Variants in CSMD1 observed in about 807,000 individuals in gnomAD.
The protein encoded by CSMD1 is CUB and Sushi multiple domains 1.
Under a neutral mutation model 417.5 loss-of-function variants are expected in CSMD1, and 213 were observed. The observed-to-expected ratio is 0.51, with a 90% CI of 0.46 to 0.57. The LOEUF (loss-of-function observed/expected upper bound fraction) is 0.57. CSMD1 is among the 20% of genes least tolerant of loss of function. The pLI is 0.00. For synonymous variants in CSMD1, 2,862 were observed against 1,736.8 expected, an observed-to-expected ratio of 1.65 and a Z score of -16.11; for missense variants, 6,923 against 4,529.7, an observed-to-expected ratio of 1.53 and a Z score of -15.17.
chr8:4,168,146 TACACACAC>T lies in CSMD1; in HGVS notation c.416-136055_416-136048del, dbSNP rs34184056. Among the ~76,000 whole-genome samples, 1,384 of 149,492 alleles carry T rather than the reference TACACACAC, an allele frequency of 9.3e-3. 15 individuals carry two copies. Among genetic ancestry groups the T allele is most frequent in the African/African-American group, 0.029 (1,154 of 40,432 alleles). On this transcript the variant is annotated intron_variant, in intron 3 of 69. Coordinates refer to ENST00000635120, the MANE Select transcript of CSMD1 (RefSeq NM_033225.6). ...TCTGTCTCAAAAATAAAAAAAAATA[TACACACAC>T]ACACACACACACACACACACACATA...
chr8:3,324,049 T>C (rs1806334711), intron 23 of CSMD1, among the ~76,000 whole-genome samples: 1 of 142,080 alleles, frequency 7.0e-6, no homozygotes, highest in South Asian at 2.4e-4. Flanking sequence ...CCACCTTTCA[T>C]CATTGTTAAA....
chr8:3,284,605 T>C, intron 25 of CSMD1: 1 of 451,450 alleles, frequency 2.2e-6, no homozygotes, highest in South Asian at 2.4e-5. Context: ...GAGCTATCCA[T>C]TTTAGGATAA....
chr8:3,298,354 C>T (rs1014693012), intron 25 of CSMD1, among the ~76,000 whole-genome samples: 2 of 152,178 alleles, frequency 1.3e-5, no homozygotes, highest in African/African-American at 2.4e-5. Context: ...CATCAGCACC[C>T]AGAATGGATA....
intron 26 of CSMD1, among the ~76,000 whole-genome samples, chr8:3,279,922 T>G (rs946211896): frequency 6.6e-6 from 1 of 152,172 alleles, no homozygotes; most frequent in Non-Finnish European, 1.5e-5. Flanking sequence ...ATTATGAGCA[T>G]TACAATTCAA....
intron 26 of CSMD1, among the ~76,000 whole-genome samples, chr8:3,242,553 G>A (rs1008665830): frequency 6.6e-6 from 1 of 152,074 alleles, no homozygotes; most frequent in Non-Finnish European, 1.5e-5. Context: ...CTGACTATTT[G>A]GAACCACTGT....
At chr8:4,336,708 G>A (rs1585258263) in intron 3 of CSMD1, among the ~76,000 whole-genome samples, 1 of 152,130 alleles carries the variant, frequency 6.6e-6, no homozygotes, top group South Asian at 2.1e-4. Context: ...ATGAGGCTGT[G>A]TATTCTTTCT....
intron 1 of CSMD1, among the ~76,000 whole-genome samples, chr8:4,960,791 T>C (rs1308647917): frequency 1.3e-5 from 2 of 152,170 alleles, no homozygotes; most frequent in East Asian, 3.8e-4. Context: ...GAACAGATGA[T>C]CATCTGTTAT....
At chr8:3,523,006 TACACACACCCAC>T (rs1203232468) in intron 10 of CSMD1, among the ~76,000 whole-genome samples, 1 of 113,390 alleles carries the variant, frequency 8.8e-6, no homozygotes, top group African/African-American at 3.6e-5. Context: ...GATACATATA[TACACACACCCAC>T]ACACACACAC....
intron 5 of CSMD1, among the ~76,000 whole-genome samples, chr8:3,786,576 A>T (rs931092425): frequency 6.6e-6 from 1 of 152,192 alleles, no homozygotes; most frequent in Admixed American, 6.5e-5. Context: ...ACGGCCTAGG[A>T]TGGACAGGAA....
Position 3,155,428 on chromosome 8 carries a change from C to T in CSMD1, c.5914+2469G>A, listed in dbSNP as rs1421566159. The stretch of plus-strand genomic sequence containing the variant: ...TGTCACCCAGGATGGAGTGCAGTGG[C>T]GCGATCTTGGCTCACTGCAAGCTCC... On this transcript the variant is annotated intron_variant, in intron 39 of 69. Transcript: ENST00000635120. 6.0e-5 allele frequency among the ~76,000 whole-genome samples: 7 copies of T among 117,392 alleles called. No individual in the cohort carries two copies. The South Asian group carries it at 1.2e-3, about 19-fold the overall frequency. 77.0% of individuals were successfully genotyped at this position (117,392 alleles called of 152,430 possible).
chr8:4,850,971 T>G, intron 1 of CSMD1, among the ~76,000 whole-genome samples: 1 of 151,962 alleles, frequency 6.6e-6, no homozygotes, highest in East Asian at 1.9e-4. Flanking sequence ...ATATACACTT[T>G]GAGTTTTAGG....
Position 3,901,063 on chromosome 8 carries a change from T to C in CSMD1, c.818+96840A>G, listed in dbSNP as rs544152159. Among the ~76,000 whole-genome samples, 6 of 152,346 alleles carry C rather than the reference T, an allele frequency of 3.9e-5. No individual in the cohort carries two copies. In the South Asian group the frequency reaches 8.3e-4, roughly 21 times the overall value. On this transcript the variant is annotated intron_variant, in intron 5 of 69. Coordinates refer to ENST00000635120, the MANE Select transcript of CSMD1 (RefSeq NM_033225.6). Reference sequence around the variant, plus strand: ...AAGATGGCTTTTAATAACGATTTTGTAGTAAAGAAATAATTTATAACCTGG... The same window carrying C: ...AAGATGGCTTTTAATAACGATTTTGCAGTAAAGAAATAATTTATAACCTGG...
intron 12 of CSMD1, among the ~76,000 whole-genome samples, chr8:3,433,823 T>C (rs573801114): frequency 3.3e-5 from 5 of 152,316 alleles, no homozygotes; most frequent in African/African-American, 1.2e-4. Flanking sequence ...AAAAACGGGC[T>C]CCCGTGGCAG....
intron 2 of CSMD1, among the ~76,000 whole-genome samples, chr8:4,460,650 A>C (rs7814571): frequency 6.6e-6 from 1 of 151,996 alleles, no homozygotes; most frequent in Non-Finnish European, 1.5e-5. Flanking sequence ...CCTTACAGAT[A>C]TTTAAGAAGA....
At chr8:3,682,393 A>G (rs1360683632) in intron 7 of CSMD1, among the ~76,000 whole-genome samples, 1 of 152,224 alleles carries the variant, frequency 6.6e-6, no homozygotes, top group Non-Finnish European at 1.5e-5. Flanking sequence ...ACATGAACAG[A>G]CACTTCTCAA....
At chr8:3,331,576 A>C (rs1422698531) in intron 23 of CSMD1, among the ~76,000 whole-genome samples, 1 of 152,196 alleles carries the variant, frequency 6.6e-6, no homozygotes, top group Non-Finnish European at 1.5e-5. Flanking sequence ...TAACAAAAGG[A>C]TCATCTTCAA....
At chr8:3,886,200 C>A (rs1038933342) in intron 5 of CSMD1, among the ~76,000 whole-genome samples, 1 of 152,238 alleles carries the variant, frequency 6.6e-6, no homozygotes, top group South Asian at 2.1e-4. Context: ...CAGGTGTCCA[C>A]CACCATGCCC....
rs1249165353 is a variant in CSMD1 at position 3,790,930 on chromosome 8, G to C, written c.819-36888C>G. Among the ~76,000 whole-genome samples, 6 of 152,152 alleles carry C rather than the reference G, an allele frequency of 3.9e-5. No homozygotes were observed. In the East Asian group the frequency reaches 9.6e-4, roughly 24 times the overall value. On this transcript the variant is annotated intron_variant, in intron 5 of 69. Transcript: ENST00000635120. The stretch of plus-strand genomic sequence containing the variant: ...AAACTGTCAGGTCCTAAGAGCAACA[G>C]ATGACACCTGTCATTTTAACTCACA...
chr8:3,482,476 C>G (rs1460526618), intron 11 of CSMD1, among the ~76,000 whole-genome samples: 1 of 152,180 alleles, frequency 6.6e-6, no homozygotes, highest in Non-Finnish European at 1.5e-5. Context: ...ATATGTAACA[C>G]TCCTAAATGT....
Sources: gnomAD v4.1 joint callset for allele counts (sites outside exome capture counted in the v4.1 genomes callset) on GRCh38, gnomAD v4.1.1 for gene constraint, MANE v1.5 for transcripts, NCBI Gene and HGNC (gene_info 2026-07-23, HGNC 2026-07-21) for gene names.